The following RBFOX1 variants were observed in gnomAD, a reference collection of about 807,000 sequenced individuals.
The protein encoded by RBFOX1 is RNA binding fox-1 homolog 1.
A neutral mutation model predicts 57.7 loss-of-function variants in RBFOX1; 8 were observed. That is an observed-to-expected ratio of 0.14 (90% confidence interval 0.08 to 0.25). The LOEUF is 0.25. Ranked by LOEUF, RBFOX1 falls within the 10% of genes least tolerant of loss-of-function variation. The pLI is 1.00. For synonymous variants in RBFOX1, 326 were observed against 222.4 expected (o/e 1.47, Z -4.15); for missense variants, 611 against 548.5 (o/e 1.11, Z -1.14).
At chr16:6,921,526 C>T (rs570845851) in intron 3 of RBFOX1, among the ~76,000 whole-genome samples, 6 of 152,204 alleles carry the variant, frequency 3.9e-5, no homozygotes, top group Admixed American at 3.3e-4. Context: ...ACCCATAGTT[C>T]CTTCCTACAT....
intron 1 of RBFOX1, among the ~76,000 whole-genome samples, chr16:6,267,687 C>T (rs932905541): frequency 7.2e-5 from 11 of 152,302 alleles, no homozygotes; most frequent in African/African-American, 2.4e-4. Context: ...CTAAAACCAA[C>T]AATCAAAACT....
chr16:5,547,611 G>T (rs1468238244), intron 2 of RBFOX1, among the ~76,000 whole-genome samples: 9 of 152,124 alleles, frequency 5.9e-5, no homozygotes, highest in African/African-American at 1.9e-4. Flanking sequence ...GATGGGAAGT[G>T]GGAAAGGATG....
intron 4 of RBFOX1, among the ~76,000 whole-genome samples, chr16:7,377,581 A>C (rs895991809): frequency 1.3e-5 from 2 of 152,178 alleles, no homozygotes; most frequent in Non-Finnish European, 1.5e-5. Flanking sequence ...AATGTTTTAG[A>C]TTTGTCTATG....
At chr16:7,527,825 C>T (rs544018984) in intron 5 of RBFOX1, among the ~76,000 whole-genome samples, 6 of 152,248 alleles carry the variant, frequency 3.9e-5, no homozygotes, top group African/African-American at 1.2e-4. Context: ...GAAATCAGAG[C>T]GGTCTCCTTG....
chr16:6,582,844 A>G (rs1010163807), intron 2 of RBFOX1, among the ~76,000 whole-genome samples: 1 of 103,232 alleles, frequency 9.7e-6, no homozygotes, highest in Non-Finnish European at 2.1e-5. Flanking sequence ...GTTGGAGTTC[A>G]TTTCAACAGA....
intron 2 of RBFOX1, among the ~76,000 whole-genome samples, chr16:6,481,261 C>A (rs555713355): frequency 2.0e-5 from 3 of 152,310 alleles, no homozygotes; most frequent in African/African-American, 7.2e-5. Flanking sequence ...GTAGTTACAG[C>A]TGTAAATGTG....
At chr16:7,294,841 G>T (rs370823278) in intron 4 of RBFOX1, among the ~76,000 whole-genome samples, 1 of 152,122 alleles carries the variant, frequency 6.6e-6, no homozygotes, top group Non-Finnish European at 1.5e-5. Flanking sequence ...ACTGCTGTTT[G>T]TATTGCATGG....
At chr16:7,182,841 A>C (rs74637321) in intron 4 of RBFOX1, among the ~76,000 whole-genome samples, 2 of 152,266 alleles carry the variant, frequency 1.3e-5, no homozygotes, top group South Asian at 2.1e-4. Flanking sequence ...TGAGTTTTTT[A>C]TGGCAATTGC....
chr16:7,266,932 G>C (rs144986890), intron 4 of RBFOX1, among the ~76,000 whole-genome samples: 1 of 152,026 alleles, frequency 6.6e-6, no homozygotes, highest in African/African-American at 2.4e-5. Flanking sequence ...GAGACTGGAA[G>C]ACTGAGCAAT....
At chr16:6,675,048 G>T (rs989172026) in intron 3 of RBFOX1, among the ~76,000 whole-genome samples, 3 of 152,058 alleles carry the variant, frequency 2.0e-5, no homozygotes, top group African/African-American at 4.8e-5. Context: ...TGGGACTACA[G>T]GTATGTGCCA....
At position 6,340,900 on chromosome 16, in the gene RBFOX1, G is replaced by C. The variant is rs550582487; in HGVS notation, c.-64+23843G>C. Among the ~76,000 whole-genome samples, 6 of 152,174 alleles carry C rather than the reference G, an allele frequency of 3.9e-5. No individual in the cohort carries two copies. In the East Asian group the frequency reaches 9.7e-4, roughly 25 times the overall value. Reference sequence around the variant, plus strand: ...CAGGGAAAGAGAGACATTCAAAGGAGAGGTAACAGCACTTCTGGGGACCTG... The same window carrying C: ...CAGGGAAAGAGAGACATTCAAAGGACAGGTAACAGCACTTCTGGGGACCTG... On this transcript the variant is annotated intron_variant, in intron 2 of 15. Coordinates refer to ENST00000550418, the MANE Select transcript of RBFOX1 (RefSeq NM_018723.4).
intron 2 of RBFOX1, among the ~76,000 whole-genome samples, chr16:6,548,986 A>T (rs1567640494): frequency 6.7e-6 from 1 of 150,126 alleles, no homozygotes; most frequent in East Asian, 2.0e-4. Context: ...GAGGCAGGAG[A>T]TTCACTTGAA....
At chr16:7,168,740 T>C (rs1351309846) in intron 4 of RBFOX1, among the ~76,000 whole-genome samples, 3 of 152,194 alleles carry the variant, frequency 2.0e-5, no homozygotes, top group East Asian at 1.9e-4. Context: ...AAAATATCCA[T>C]AACACATTAT....
At chr16:5,942,456 C>T (rs977583051) in intron 4 of RBFOX1, among the ~76,000 whole-genome samples, 2 of 152,208 alleles carry the variant, frequency 1.3e-5, no homozygotes, top group East Asian at 1.9e-4. Flanking sequence ...ATATCTCATT[C>T]GACCAATCTT....
At chr16:7,519,742 C>G (rs550184324) in intron 5 of RBFOX1, 22 of 981,870 alleles carry the variant, frequency 2.2e-5, no homozygotes, top group Non-Finnish European at 2.4e-5. Context: ...CGTCCTGTCC[C>G]AAGACCTCAG....
At chr16:6,061,221 C>G (rs2095682129) in intron 1 of RBFOX1, among the ~76,000 whole-genome samples, 1 of 152,100 alleles carries the variant, frequency 6.6e-6, no homozygotes, top group African/African-American at 2.4e-5. Flanking sequence ...CCCACTATAG[C>G]AATTGATTAA....
At chr16:7,333,767 CTT>C (rs59403451) in intron 4 of RBFOX1, among the ~76,000 whole-genome samples, 10 of 151,470 alleles carry the variant, frequency 6.6e-5, no homozygotes, top group Non-Finnish European at 1.0e-4. Flanking sequence ...AATTGGGGAC[CTT>C]TTTTTTTCCC....
chr16:6,842,244 A>G (rs1023580206), intron 3 of RBFOX1, among the ~76,000 whole-genome samples: 5 of 152,168 alleles, frequency 3.3e-5, no homozygotes, highest in East Asian at 1.9e-4. Context: ...TACCTCTGAC[A>G]TGGTATCATT....
At chr16:6,897,568 C>A (rs1329037477) in intron 3 of RBFOX1, among the ~76,000 whole-genome samples, 3 of 152,124 alleles carry the variant, frequency 2.0e-5, no homozygotes, top group East Asian at 1.9e-4. Context: ...CCAAGGCGGG[C>A]GGATCACTTG....
Sources: gnomAD v4.1 joint callset for allele counts (sites outside exome capture counted in the v4.1 genomes callset) on GRCh38, gnomAD v4.1.1 for gene constraint, MANE v1.5 for transcripts, NCBI Gene and HGNC (gene_info 2026-07-23, HGNC 2026-07-21) for gene names.